The following ZNF664 variants were observed in gnomAD, a reference collection of about 807,000 sequenced individuals.
ZNF664 encodes the protein zinc finger protein 664.
Under a neutral mutation model 18.2 loss-of-function variants are expected in ZNF664, and 10 were observed. That is an observed-to-expected ratio of 0.55 (90% CI 0.34 to 0.93). The LOEUF is 0.93. Ranked by LOEUF, ZNF664 falls within the 40% of genes least tolerant of loss-of-function variation. The pLI, the probability that ZNF664 is intolerant of heterozygous loss-of-function variation, is 0.02. For missense variants in ZNF664, 193 were observed against 319.0 expected, an observed-to-expected ratio of 0.61 and a Z score of 3.01; for synonymous variants, 119 against 104.2, an observed-to-expected ratio of 1.14 and a Z score of -0.86.
intron 2 of ZNF664, among the ~76,000 whole-genome samples, chr12:123,985,574 T>C (rs1300668192): frequency 6.6e-6 from 1 of 152,264 alleles, no homozygotes; most frequent in Non-Finnish European, 1.5e-5. Flanking sequence ...TTTAAAATAT[T>C]TCGTTAAGAA....
At chr12:123,981,037 T>A (rs2138332607) in intron 2 of ZNF664, among the ~76,000 whole-genome samples, 1 of 152,222 alleles carries the variant, frequency 6.6e-6, no homozygotes, top group Middle Eastern at 3.4e-3. Context: ...CATTTTGCAT[T>A]TTAGAAGGTT....
intron 3 of ZNF664, among the ~76,000 whole-genome samples, chr12:123,992,233 G>A (rs1278118548): frequency 6.6e-6 from 1 of 152,134 alleles, no homozygotes; most frequent in Non-Finnish European, 1.5e-5. Context: ...GTGGTCTGAG[G>A]GTGGAGACGA....
chr12:123,976,000 G>C (rs187263534), intron 2 of ZNF664, among the ~76,000 whole-genome samples: 1 of 152,226 alleles, frequency 6.6e-6, no homozygotes, highest in Admixed American at 6.5e-5. Flanking sequence ...ATGATGTGAT[G>C]GGTAACATTT....
intron 2 of ZNF664, among the ~76,000 whole-genome samples, chr12:123,975,806 C>T (rs571697828): frequency 3.3e-5 from 5 of 152,142 alleles, no homozygotes; most frequent in Non-Finnish European, 4.4e-5. Context: ...AGACAATACT[C>T]GCACTATAAT....
At chr12:124,001,052 A>G (rs960411529) in intron 3 of ZNF664, among the ~76,000 whole-genome samples, 1 of 152,174 alleles carries the variant, frequency 6.6e-6, no homozygotes, top group African/African-American at 2.4e-5. Flanking sequence ...TGGTCTTTCT[A>G]AAGTTTTCTG....
Position 124,011,668 on chromosome 12 carries a change from G to A in ZNF664, c.-477G>A. On this transcript the variant is annotated 5_prime_UTR_variant, in exon 5 of 5. It removes the in-frame stop codon of an upstream open reading frame in the 5' UTR. Transcript: ENST00000337815. ...TGTGCAGGAGGCAGAATGCCAAACT[G>A]ACTCTTCAAGGGGCAACTGCAGGGG... 1 of 1,007,014 alleles carries A rather than the reference G, an allele frequency of 9.9e-7. No homozygotes were observed. The highest frequency in any genetic ancestry group is 1.2e-6 in the Non-Finnish European group (1 of 846,672). 62.4% of individuals were successfully genotyped at this position (1,007,014 alleles called of 1,614,324 possible).
intron 2 of ZNF664, among the ~76,000 whole-genome samples, chr12:123,986,794 T>C (rs1269469616): frequency 1.3e-5 from 2 of 152,190 alleles, no homozygotes; most frequent in Non-Finnish European, 2.9e-5. Context: ...GCAGGCACCA[T>C]GATTGGCATG....
At chr12:123,986,351 A>G (rs527797771) in intron 2 of ZNF664, among the ~76,000 whole-genome samples, 1 of 152,342 alleles carries the variant, frequency 6.6e-6, no homozygotes, top group Non-Finnish European at 1.5e-5. Context: ...CAGTCTTCCC[A>G]TGGACAGTGA....
intron 2 of ZNF664, among the ~76,000 whole-genome samples, chr12:123,974,733 A>G (rs930878039): frequency 1.3e-5 from 2 of 152,208 alleles, no homozygotes; most frequent in Non-Finnish European, 2.9e-5. Context: ...CTGCTTTAAC[A>G]AGGACTGTTG....
chr12:124,012,400 C>A lies in ZNF664; in HGVS notation c.256C>A (p.Pro86Thr). Residue 86 changes from proline (P) to threonine (T), a missense_variant, in exon 5 of 5, where the codon CCC becomes ACC. Pro to Thr is a conservative substitution (Grantham distance 38). This residue lies in a region of ZNF664 where 90 missense variants were observed against 118.9 expected (regional missense o/e 0.76). Transcript: ENST00000337815. ...TAAGAAAATCCACACAGTGGAGAAG[C>A]CCTATAAATGTTACGAGTGTGGCAA... ...RHKKIHTVEKPYKCYECGKAF... is the reference protein window; with the variant it reads ...RHKKIHTVEKTYKCYECGKAF... 6.2e-7 allele frequency: 1 copy of A among 1,614,188 alleles called. No homozygotes were observed. The highest frequency in any genetic ancestry group is 8.5e-7 in the Non-Finnish European group (1 of 1,180,028).
intron 3 of ZNF664, among the ~76,000 whole-genome samples, chr12:124,006,756 A>C (rs1957077642): frequency 6.6e-6 from 1 of 152,212 alleles, no homozygotes; most frequent in Non-Finnish European, 1.5e-5. Context: ...AGTCGAGTGC[A>C]CAGGATGCTG....
At chr12:124,002,299 A>G (rs1392921205) in intron 3 of ZNF664, among the ~76,000 whole-genome samples, 1 of 152,146 alleles carries the variant, frequency 6.6e-6, no homozygotes, top group East Asian at 1.9e-4. Flanking sequence ...GTTTGCAGAG[A>G]GTGCAGGAGG....
At chr12:123,996,078 T>A (rs1956944708) in intron 3 of ZNF664, among the ~76,000 whole-genome samples, 1 of 152,234 alleles carries the variant, frequency 6.6e-6, no homozygotes, top group South Asian at 2.1e-4. Context: ...TCCTAAGCCA[T>A]CTTTCAGTTA....
chr12:123,988,809 T>C (rs1191684505), intron 3 of ZNF664, among the ~76,000 whole-genome samples: 3 of 152,140 alleles, frequency 2.0e-5, no homozygotes, highest in African/African-American at 7.2e-5. Flanking sequence ...AGGCAACATA[T>C]ATAGGACAGG....
At chr12:123,973,833 G>C in intron 1 of ZNF664, 53 bp from the exon 2 acceptor site, 3 of 1,174,928 alleles carry the variant, frequency 2.6e-6, no homozygotes, top group Non-Finnish European at 2.1e-6. Flanking sequence ...GGGGACCGGG[G>C]AGCCGGGCGG....
At chr12:123,980,362 A>G (rs981425580) in intron 2 of ZNF664, among the ~76,000 whole-genome samples, 1 of 152,200 alleles carries the variant, frequency 6.6e-6, no homozygotes, top group African/African-American at 2.4e-5. Flanking sequence ...CCTAGTACCT[A>G]AAAGGATGTG....
At chr12:123,982,424 A>T (rs984002435) in intron 2 of ZNF664, among the ~76,000 whole-genome samples, 1 of 151,990 alleles carries the variant, frequency 6.6e-6, no homozygotes, top group African/African-American at 2.4e-5. Context: ...TGTCTGCCCT[A>T]TGCTTCTATG....
chr12:123,974,198 T>G, intron 2 of ZNF664, 178 bp downstream of exon 2: 2 of 421,136 alleles, frequency 4.7e-6, no homozygotes, highest in Non-Finnish European at 8.0e-6. Context: ...CACCTCTCAT[T>G]TCCCCCAGAA....
chr12:123,984,366 G>A (rs1956800581), intron 2 of ZNF664, among the ~76,000 whole-genome samples: 1 of 152,148 alleles, frequency 6.6e-6, no homozygotes, highest in Non-Finnish European at 1.5e-5. Context: ...CAATGAGAGA[G>A]GAACCTCGGT....
Sources: gnomAD v4.1 joint callset for allele counts (sites outside exome capture counted in the v4.1 genomes callset) on GRCh38, gnomAD v4.1.1 for gene constraint, gnomAD v4.1.1 regional missense constraint, MANE v1.5 for transcripts, NCBI Gene and HGNC (gene_info 2026-07-23, HGNC 2026-07-21) for gene names.